MMEL1: variants seen among roughly 807,000 people sequenced by gnomAD.
MMEL1 encodes the protein membrane metallo-endopeptidase-like 1.
MMEL1 carries 98 observed loss-of-function variants against 117.1 expected under a neutral mutation model. The observed-to-expected ratio is 0.84, with a 90% confidence interval of 0.71 to 0.99. MMEL1 has a LOEUF of 0.99. Ranked by LOEUF, MMEL1 falls within the 50% of genes least tolerant of loss-of-function variation. The pLI is 0.00. For missense variants in MMEL1, 1,014 were observed against 1,049.1 expected (o/e 0.97, Z 0.46); for synonymous variants, 390 against 415.1 (o/e 0.94, Z 0.74).
At chr1:2,596,170 G>C in intron 14 of MMEL1, 63 bp from the exon 15 acceptor site, 3 of 1,467,956 alleles carry the variant, frequency 2.0e-6, no homozygotes, top group Non-Finnish European at 2.8e-6. Flanking sequence ...CCAGCCTCAA[G>C]GGCTTTGGGG....
intron 11 of MMEL1, 126 bp downstream of exon 11, chr1:2,603,757 CT>C: frequency 5.0e-6 from 4 of 806,474 alleles, no homozygotes; most frequent in Non-Finnish European, 7.9e-6. Context: ...CAGGGTCTCC[CT>C]GCTCGGGGAT....
intron 2 of MMEL1, among the ~76,000 whole-genome samples, chr1:2,621,455 TC>T (rs1304701804): frequency 2.6e-5 from 4 of 152,226 alleles, no homozygotes; most frequent in Non-Finnish European, 4.4e-5. Flanking sequence ...TTCTATTGGT[TC>T]CAAGTCTTTA....
At chr1:2,617,296 G>A (rs966323613) in intron 2 of MMEL1, among the ~76,000 whole-genome samples, 10 of 151,940 alleles carry the variant, frequency 6.6e-5, no homozygotes, top group East Asian at 1.9e-4. Flanking sequence ...GCGTGGTGGC[G>A]GGCGCCTGTA....
chr1:2,623,850 G>A (rs1356182149), intron 2 of MMEL1, among the ~76,000 whole-genome samples: 1 of 152,182 alleles, frequency 6.6e-6, no homozygotes, highest in Non-Finnish European at 1.5e-5. Context: ...CACTGAGGCA[G>A]GTGTAACCCC....
chr1:2,604,075 C>CTTGG (rs1644979513), intron 10 of MMEL1, 72 bp downstream of exon 10: 2 of 1,572,074 alleles, frequency 1.3e-6, no homozygotes, highest in South Asian at 2.3e-5. Context: ...ACCCCCTCAC[C>CTTGG]TTGGCCAGCC....
chr1:2,605,560 T>C lies in MMEL1; in HGVS notation c.814A>G (p.Lys272Glu). Residue 272 changes from lysine to glutamate, a missense_variant and splice_region_variant, in exon 9 of 24, where the codon AAG becomes GAG. By Grantham distance (56) the Lys-to-Glu change is moderately conservative. Transcript: ENST00000378412. ...EYYFNGGSNR[K>E]VREAYLQFMV... ...CATTGCGGTGAGGACCCACCCACCTTCCGGTTGCTGCCGCCGTTGAAGTAG... is the reference window on the plus strand; with the variant it reads ...CATTGCGGTGAGGACCCACCCACCTCCCGGTTGCTGCCGCCGTTGAAGTAG... 2 of 1,611,896 alleles carry C rather than the reference T, an allele frequency of 1.2e-6. No individual in the cohort carries two copies. The highest frequency in any genetic ancestry group is 1.7e-6 in the Non-Finnish European group (2 of 1,178,932).
At chr1:2,631,482 C>G (rs1638577379) in intron 1 of MMEL1, among the ~76,000 whole-genome samples, 1 of 151,974 alleles carries the variant, frequency 6.6e-6, no homozygotes, top group Non-Finnish European at 1.5e-5. Flanking sequence ...CTGGGCAACA[C>G]CCTGCAAAGG....
At chr1:2,602,966 G>A (rs1245260706) in intron 11 of MMEL1, among the ~76,000 whole-genome samples, 1 of 152,146 alleles carries the variant, frequency 6.6e-6, no homozygotes, top group African/African-American at 2.4e-5. Flanking sequence ...ATAGGCCTTT[G>A]TTTGGGAAGG....
intron 2 of MMEL1, among the ~76,000 whole-genome samples, chr1:2,621,132 A>G (rs1196513098): frequency 1.3e-5 from 2 of 152,050 alleles, no homozygotes; most frequent in African/African-American, 4.8e-5. Context: ...AAAAATAGAA[A>G]AACCTAGCCA....
At chr1:2,591,276 C>T in intron 23 of MMEL1, 187 bp from the exon 24 acceptor site, 1 of 596,592 alleles carries the variant, frequency 1.7e-6, no homozygotes, top group South Asian at 2.1e-5. Flanking sequence ...TGAGAATAAC[C>T]TCCCCTCCAG....
rs568986228 is a variant in MMEL1 at position 2,608,795 on chromosome 1, C to A, written c.535+544G>T. On this transcript the variant is annotated intron_variant, in intron 6 of 23. Transcript: ENST00000378412. ...CACACACATATGTACACACCGCATG[C>A]ATATACATATACACATATACATAAC... is the stretch of plus-strand genomic sequence containing the variant. Among the ~76,000 whole-genome samples, 4 of 152,204 alleles carry A rather than the reference C, an allele frequency of 2.6e-5. No individual in the cohort carries two copies. In the East Asian group the frequency reaches 7.7e-4, roughly 29 times the overall value.
Position 2,604,135 on chromosome 1 carries a change from C to CCCCCCCCCAACACGG in MMEL1, c.951+11_951+12insCCGTGTTGGGGGGGG. The CCCCCCCCCAACACGG allele has an allele frequency of 6.6e-7, 1 of 1,520,166 alleles. No homozygotes were observed. The highest frequency in any genetic ancestry group is 9.1e-7 in the Non-Finnish European group (1 of 1,100,358). The allele number at this position is 1,520,166 out of a possible 1,614,324, so 94.2% of individuals were successfully genotyped here. A position where few individuals can be genotyped will look rare whatever the true frequency, so the allele number is the denominator to read the frequency against. On this transcript the variant is annotated intron_variant, in intron 10 of 23. Coordinates refer to ENST00000378412, the MANE Select transcript of MMEL1 (RefSeq NM_033467.4). Reference sequence around the variant, plus strand: ...CTCGCTGCCCGCTCCCCACCCGCCCCGGCCCCCTTACCTTGGCCAGCTGTG... The same window carrying CCCCCCCCCAACACGG: ...CTCGCTGCCCGCTCCCCACCCGCCCCCCCCCCCCAACACGGGGCCCCCTTACCTTGGCCAGCTGTG...
chr1:2,605,160 G>T (rs1041354147), intron 9 of MMEL1, among the ~76,000 whole-genome samples: 1 of 152,148 alleles, frequency 6.6e-6, no homozygotes, highest in African/African-American at 2.4e-5. Flanking sequence ...CACAGTGGGG[G>T]TCCTCATCCC....
intron 5 of MMEL1, 108 bp downstream of exon 5, chr1:2,609,562 A>C: frequency 6.5e-7 from 1 of 1,530,770 alleles, no homozygotes; most frequent in South Asian, 1.2e-5. Flanking sequence ...CGCCCACTGG[A>C]CCAAGGAGGA....
At chr1:2,626,300 A>G (rs1638276363) in intron 2 of MMEL1, among the ~76,000 whole-genome samples, 1 of 152,210 alleles carries the variant, frequency 6.6e-6, no homozygotes, top group South Asian at 2.1e-4. Context: ...CCTGGGTGCT[A>G]GCCACAATCT....
In MMEL1 at chr1:2,596,153, C is replaced by T. The variant is rs371339394; in HGVS notation, c.1402-46G>A. 79 of 1,545,820 alleles carry T rather than the reference C, an allele frequency of 5.1e-5. No individual in the cohort carries two copies. In the African/African-American group the frequency reaches 8.9e-4, roughly 18 times the overall value. On this transcript the variant is annotated intron_variant, in intron 14 of 23. Coordinates refer to ENST00000378412, the MANE Select transcript of MMEL1 (RefSeq NM_033467.4). ...TCGTGTCCCAGACTCATCTGGAGGG[C>T]GAATGACCAGCCTCAAGGGCTTTGG...
rs781099008 is a variant in MMEL1, at chr1:2,598,247, A to G, written c.1232T>C (p.Leu411Pro). The change falls in exon 13 of 24, where the codon CTA (leucine) becomes CCA (proline). Residue 411 changes from leucine (L) to proline (P), a missense_variant. Physicochemically the swap from Leu to Pro is moderately conservative, Grantham distance 98. Transcript: ENST00000378412. ...TCGTGTGTCCTTGAATCTCTGGCTT[A>G]GGCTACCAATGCGGTCCAGCACCAG... ...WRLVLDRIGS[L>P]SQRFKDTRVN... 6.2e-7 allele frequency: 1 copy of G among 1,614,104 alleles called. No homozygotes were observed. The highest frequency in any genetic ancestry group is 8.5e-7 in the Non-Finnish European group (1 of 1,180,002).
chr1:2,604,122 T>TTCCC, intron 10 of MMEL1, 25 bp downstream of exon 10: 257 of 1,357,278 alleles, frequency 1.9e-4, no homozygotes, highest in Middle Eastern at 7.9e-4. Context: ...CGCTGCCCGC[T>TTCCC]CCCCACCCGC....
At chr1:2,617,915 A>G (rs1645230321) in intron 2 of MMEL1, among the ~76,000 whole-genome samples, 1 of 152,170 alleles carries the variant, frequency 6.6e-6, no homozygotes. Flanking sequence ...TTTCCTGAAT[A>G]CTCAGTTGAC....
Sources: allele counts gnomAD v4.1 joint callset (sites outside exome capture counted in the v4.1 genomes callset), GRCh38; gene constraint gnomAD v4.1.1; transcripts MANE v1.5; gene names NCBI Gene and HGNC (gene_info 2026-07-23, HGNC 2026-07-21).